Variants in SOX6 observed in about 807,000 individuals in gnomAD.
The protein encoded by SOX6 is transcription factor SOX-6.
A neutral mutation model predicts 97.8 loss-of-function variants in SOX6; 11 were observed. That is an observed-to-expected ratio of 0.11 (90% confidence interval 0.07 to 0.19). The LOEUF (loss-of-function observed/expected upper bound fraction) is 0.19, where lower values mean the gene tolerates loss of function less well. Among genes scored for constraint, SOX6 ranks in the 10% least tolerant of loss-of-function variants. SOX6 has a pLI of 1.00. For missense variants in SOX6, 810 were observed against 1,039.5 expected (o/e 0.78, Z 3.04); for synonymous variants, 360 against 371.4 (o/e 0.97, Z 0.35).
intron 3 of SOX6, among the ~76,000 whole-genome samples, chr11:16,711,715 G>A (rs1307810033): frequency 6.6e-6 from 1 of 151,664 alleles, no homozygotes; most frequent in African/African-American, 2.4e-5. Flanking sequence ...AGCTCAAAAT[G>A]TTATGTTTCT....
intron 12 of SOX6, among the ~76,000 whole-genome samples, chr11:16,036,999 T>G (rs1855536897): frequency 6.6e-6 from 1 of 152,164 alleles, no homozygotes; most frequent in Admixed American, 6.5e-5. Flanking sequence ...TGTTCAAGTT[T>G]TAGCAGACTT....
chr11:16,269,012 C>T (rs1854164092), intron 3 of SOX6, among the ~76,000 whole-genome samples: 1 of 150,212 alleles, frequency 6.7e-6, no homozygotes, highest in South Asian at 2.1e-4. Flanking sequence ...GAGAAATTCA[C>T]CTATGTTTTC....
chr11:16,207,658 T>C (rs923138954), intron 4 of SOX6, among the ~76,000 whole-genome samples: 18 of 151,996 alleles, frequency 1.2e-4, no homozygotes, highest in Admixed American at 4.6e-4. Context: ...GGACATTTTA[T>C]GTGCTGTTCT....
intron 1 of SOX6, among the ~76,000 whole-genome samples, chr11:16,366,188 TC>T (rs1857355010): frequency 1.3e-5 from 2 of 152,258 alleles, no homozygotes; most frequent in Admixed American, 6.6e-5. Flanking sequence ...GTTCAGAATG[TC>T]CTTTGGGATT....
chr11:16,410,572 T>C (rs1287570140), intron 1 of SOX6, among the ~76,000 whole-genome samples: 2 of 151,792 alleles, frequency 1.3e-5, no homozygotes, highest in East Asian at 1.9e-4. Context: ...GCCTGTGTAA[T>C]GAAGTGAAAC....
At chr11:16,183,098 A>C (rs1851386428) in intron 6 of SOX6, among the ~76,000 whole-genome samples, 1 of 151,926 alleles carries the variant, frequency 6.6e-6, no homozygotes. Context: ...CTAGACAGCC[A>C]GTTCCTTATT....
At chr11:16,054,316 T>C (rs186402000) in intron 10 of SOX6, among the ~76,000 whole-genome samples, 61 of 152,302 alleles carry the variant, frequency 4.0e-4, no homozygotes, top group Admixed American at 4.0e-3. Flanking sequence ...GTCTTTGAGT[T>C]GGAGTGTTCT....
chr11:16,088,084 T>C (rs1197815764), intron 9 of SOX6, among the ~76,000 whole-genome samples: 2 of 152,168 alleles, frequency 1.3e-5, no homozygotes, highest in Non-Finnish European at 2.9e-5. Flanking sequence ...TTTTGCTGAG[T>C]AATTGAATTA....
At chr11:16,570,621 G>T (rs192432690) in intron 4 of SOX6, among the ~76,000 whole-genome samples, 33 of 152,288 alleles carry the variant, frequency 2.2e-4, no homozygotes, top group Non-Finnish European at 4.1e-4. Flanking sequence ...TTGATCAATT[G>T]TTTCATATAC....
At chr11:16,307,790 T>G (rs563386561) in intron 3 of SOX6, among the ~76,000 whole-genome samples, 2 of 152,360 alleles carry the variant, frequency 1.3e-5, no homozygotes, top group Non-Finnish European at 2.9e-5. Context: ...TTTTGTCATA[T>G]TTTCACAGTT....
chr11:16,614,918 A>C (rs1360494250), intron 3 of SOX6, among the ~76,000 whole-genome samples: 2 of 152,220 alleles, frequency 1.3e-5, no homozygotes, highest in Non-Finnish European at 2.9e-5. Context: ...GGCCGTGCCC[A>C]TTCAGTATTT....
At chr11:16,374,396 C>G (rs1361521394) in intron 1 of SOX6, among the ~76,000 whole-genome samples, 7 of 151,956 alleles carry the variant, frequency 4.6e-5, no homozygotes, top group Non-Finnish European at 2.9e-5. Context: ...TCTTTCTAAC[C>G]CTTCTGCATT....
chr11:16,412,475 A>T (rs1486801290), intron 1 of SOX6, among the ~76,000 whole-genome samples: 2 of 152,118 alleles, frequency 1.3e-5, no homozygotes, highest in Non-Finnish European at 2.9e-5. Flanking sequence ...TTTTTTTATT[A>T]AAAAAATAAT....
intron 9 of SOX6, among the ~76,000 whole-genome samples, chr11:16,064,170 C>A (rs953004165): frequency 2.6e-5 from 4 of 151,584 alleles, no homozygotes; most frequent in Admixed American, 2.6e-4. Context: ...TGGTAGAAAA[C>A]CCCTAAAAAA....
At chr11:16,520,491 G>A (rs1861041994) in intron 4 of SOX6, among the ~76,000 whole-genome samples, 1 of 152,118 alleles carries the variant, frequency 6.6e-6, no homozygotes, top group Admixed American at 6.5e-5. Context: ...GTAAACCTTG[G>A]GCCGAGCCAA....
chr11:16,522,174 A>G (rs1052075142), intron 4 of SOX6, among the ~76,000 whole-genome samples: 7 of 152,188 alleles, frequency 4.6e-5, no homozygotes, highest in African/African-American at 1.7e-4. Flanking sequence ...AAGACACATA[A>G]TTGTCAGATT....
chr11:16,612,514 AGTC>A (rs1848409945), intron 3 of SOX6, among the ~76,000 whole-genome samples: 1 of 145,842 alleles, frequency 6.9e-6, no homozygotes, highest in Admixed American at 6.9e-5. Flanking sequence ...TCAAATGGAA[AGTC>A]AGAGAAAGAT....
At chr11:16,201,815 A>G (rs1346873959) in intron 4 of SOX6, among the ~76,000 whole-genome samples, 1 of 144,876 alleles carries the variant, frequency 6.9e-6, no homozygotes, top group African/African-American at 2.6e-5. Context: ...TTGTATTTTT[A>G]GTAGAGACGG....
chr11:16,246,243 A>G (rs1458761021), intron 3 of SOX6, among the ~76,000 whole-genome samples: 1 of 151,668 alleles, frequency 6.6e-6, no homozygotes, highest in East Asian at 1.9e-4. Flanking sequence ...ACCTCATTAT[A>G]CATGGTTATT....
Sources: allele counts gnomAD v4.1 joint callset (sites outside exome capture counted in the v4.1 genomes callset), GRCh38; gene constraint gnomAD v4.1.1; transcripts MANE v1.5; gene names NCBI Gene and HGNC (gene_info 2026-07-23, HGNC 2026-07-21).